Variants in AAMDC observed in about 807,000 individuals in gnomAD.
The protein encoded by AAMDC is mth938 domain-containing protein.
A neutral mutation model predicts 15.5 loss-of-function variants in AAMDC; 16 were observed. That is an observed-to-expected ratio of 1.03 (90% CI 0.70 to 1.57). AAMDC has a LOEUF of 1.57. Among genes scored for constraint, AAMDC ranks in the 40% most tolerant of loss-of-function variants. AAMDC has a pLI of 0.00. For synonymous variants in AAMDC, 51 were observed against 51.6 expected (o/e 0.99, Z 0.05); for missense variants, 141 against 144.9 (o/e 0.97, Z 0.14).
chr11:77,858,820 G>A (rs188327028), intron 2 of AAMDC, among the ~76,000 whole-genome samples: 7 of 152,326 alleles, frequency 4.6e-5, no homozygotes, highest in African/African-American at 1.7e-4. Flanking sequence ...TCTTAGTCAT[G>A]GACTGCATCG....
chr11:77,896,201 A>C (rs1332726538), intron 5 of AAMDC, among the ~76,000 whole-genome samples: 2 of 152,238 alleles, frequency 1.3e-5, no homozygotes, highest in Non-Finnish European at 2.9e-5. Flanking sequence ...GAAACAGCAG[A>C]TGACAAGAAG....
chr11:77,865,318 T>C (rs953906451), intron 2 of AAMDC, among the ~76,000 whole-genome samples: 2 of 152,174 alleles, frequency 1.3e-5, no homozygotes, highest in East Asian at 1.9e-4. Context: ...CAGTCCAAAC[T>C]GGTGGTAGGG....
intron 1 of AAMDC, chr11:77,841,306 T>C: frequency 1.5e-6 from 1 of 689,298 alleles, no homozygotes; most frequent in Non-Finnish European, 2.7e-6. Context: ...ACCATAGCAC[T>C]AAACTAAATC....
chr11:77,831,416 T>C (rs1017211341), intron 1 of AAMDC, among the ~76,000 whole-genome samples: 1 of 152,246 alleles, frequency 6.6e-6, no homozygotes, highest in African/African-American at 2.4e-5. Context: ...GCATTGTTTC[T>C]AATGTCAAAA....
At chr11:77,902,896 A>C (rs1226692092), downstream of AAMDC, among the ~76,000 whole-genome samples, 1 of 152,194 alleles carries the variant, frequency 6.6e-6, no homozygotes, top group African/African-American at 2.4e-5. Flanking sequence ...CAGGCTAAAG[A>C]TATAAACAAC....
intron 5 of AAMDC, chr11:77,878,814 G>A: frequency 1.3e-6 from 1 of 763,174 alleles, no homozygotes; most frequent in South Asian, 1.5e-5. Context: ...TCCTGTGTTT[G>A]ATACCAGATG....
intron 5 of AAMDC, among the ~76,000 whole-genome samples, chr11:77,880,195 A>C (rs1951737381): frequency 6.6e-6 from 1 of 152,212 alleles, no homozygotes; most frequent in Non-Finnish European, 1.5e-5. Context: ...TAAGAAGTTC[A>C]GAGGGTAGGA....
intron 2 of AAMDC, among the ~76,000 whole-genome samples, chr11:77,862,344 A>G (rs1950918134): frequency 6.6e-6 from 1 of 152,228 alleles, no homozygotes; most frequent in Non-Finnish European, 1.5e-5. Flanking sequence ...TCCATGTCAG[A>G]TCAGAGGATT....
intron 1 of AAMDC, among the ~76,000 whole-genome samples, chr11:77,834,213 T>C (rs1230554600): frequency 2.6e-5 from 4 of 152,066 alleles, no homozygotes; most frequent in African/African-American, 7.2e-5. Context: ...CAAATACAAA[T>C]GGTAAACAAA....
intron 1 of AAMDC, among the ~76,000 whole-genome samples, chr11:77,823,017 C>T (rs1469593989): frequency 6.6e-6 from 1 of 152,002 alleles, no homozygotes; most frequent in African/African-American, 2.4e-5. Context: ...AGATCAAGAC[C>T]ATCCTGGCTA....
intron 5 of AAMDC, among the ~76,000 whole-genome samples, chr11:77,898,503 C>A (rs959654112): frequency 6.6e-6 from 1 of 152,156 alleles, no homozygotes; most frequent in Non-Finnish European, 1.5e-5. Context: ...CAAACAAAAG[C>A]ATACTAAAAT....
rs796416879 is a variant in AAMDC, at chr11:77,841,117, C to T, written c.-18-1362C>T. 11 of 684,616 alleles carry T rather than the reference C, an allele frequency of 1.6e-5. No homozygotes were observed. The East Asian group carries it at 2.2e-4, about 13-fold the overall frequency. 42.4% of individuals were successfully genotyped at this position (684,616 alleles called of 1,614,324 possible). ...TGGAAGTCATCACATGGTGGAAGCA[C>T]CAAGAGAGGGCCATACTTGTCCTTT... On this transcript the variant is annotated intron_variant, in intron 1 of 3. Transcript: ENST00000393427.
chr11:77,872,040 C>T (rs1951453627), intron 3 of AAMDC, 135 bp from the exon 4 acceptor site: 2 of 924,174 alleles, frequency 2.2e-6, no homozygotes, highest in South Asian at 5.6e-5. Flanking sequence ...AAATTTTGGA[C>T]TGGTGATACA....
intron 5 of AAMDC, among the ~76,000 whole-genome samples, chr11:77,886,279 A>G (rs1952002090): frequency 2.0e-5 from 3 of 152,152 alleles, no homozygotes; most frequent in Admixed American, 2.0e-4. Flanking sequence ...CCTCTGTGAA[A>G]TGGTTGCTGG....
chr11:77,842,639 A>C lies in AAMDC; in HGVS notation c.132+11A>C, dbSNP rs1949980960. The C allele has an allele frequency of 6.2e-7, 1 of 1,613,246 alleles. No homozygotes were observed. Among genetic ancestry groups the C allele is most frequent in the South Asian group, 1.1e-5 (1 of 90,810 alleles). On this transcript the variant is annotated intron_variant, in intron 2 of 3. Coordinates refer to ENST00000393427, the MANE Select transcript of AAMDC (RefSeq NM_024684.4). ...GAAACAGGAACTGAGGTAAGATATT[A>C]GTCTTTGGTTGATACTACATGAGGC...
intron 5 of AAMDC, among the ~76,000 whole-genome samples, chr11:77,894,071 T>C (rs1356974898): frequency 6.6e-6 from 1 of 152,158 alleles, no homozygotes; most frequent in Admixed American, 6.5e-5. Context: ...AGGTTTAGTT[T>C]TGAAGCTCCA....
chr11:77,891,542 T>TA (rs1046502652), intron 5 of AAMDC: 3 of 1,578,538 alleles, frequency 1.9e-6, no homozygotes, highest in South Asian at 2.3e-5. Context: ...TCTGTCTCCT[T>TA]ATCTAATGAG....
intron 1 of AAMDC, among the ~76,000 whole-genome samples, chr11:77,837,182 C>T (rs1220365693): frequency 6.6e-6 from 1 of 152,126 alleles, no homozygotes; most frequent in East Asian, 1.9e-4. Context: ...GTCACCCAGG[C>T]TGGAGTGCAG....
At chr11:77,828,706 T>C (rs532990448) in intron 1 of AAMDC, among the ~76,000 whole-genome samples, 22 of 150,614 alleles carry the variant, frequency 1.5e-4, no homozygotes, top group African/African-American at 4.6e-4. Context: ...TTATAAAACA[T>C]TGTTCAAGGA....
Sources: gnomAD v4.1 joint callset for allele counts (sites outside exome capture counted in the v4.1 genomes callset) on GRCh38, gnomAD v4.1.1 for gene constraint, MANE v1.5 for transcripts, NCBI Gene and HGNC (gene_info 2026-07-23, HGNC 2026-07-21) for gene names.